FER: variants seen among roughly 807,000 people sequenced by gnomAD.
The protein encoded by FER is tyrosine-protein kinase Fer.
FER carries 63 observed loss-of-function variants against 111.0 expected under a neutral mutation model. The observed-to-expected ratio is 0.57, with a 90% CI of 0.46 to 0.70. The LOEUF (loss-of-function observed/expected upper bound fraction) is 0.70. FER is among the 30% of genes least tolerant of loss of function. The pLI, the probability that FER is intolerant of heterozygous loss-of-function variation, is 0.00. For missense variants in FER, 914 were observed against 954.0 expected, an observed-to-expected ratio of 0.96 and a Z score of 0.55; for synonymous variants, 327 against 313.9, an observed-to-expected ratio of 1.04 and a Z score of -0.44.
At chr5:108,864,564 C>T (rs1763844997) in intron 5 of FER, among the ~76,000 whole-genome samples, 1 of 152,146 alleles carries the variant, frequency 6.6e-6, no homozygotes, top group African/African-American at 2.4e-5. Flanking sequence ...TCTGTTTCAG[C>T]TTTCTACATA....
chr5:108,786,116 CT>C (rs1398903149), intron 2 of FER, among the ~76,000 whole-genome samples: 4 of 152,198 alleles, frequency 2.6e-5, no homozygotes, highest in Non-Finnish European at 5.9e-5. Context: ...GTTGGAGGCC[CT>C]GAGATTTACT....
At chr5:108,765,501 G>T (rs1752222391) in intron 1 of FER, among the ~76,000 whole-genome samples, 1 of 152,020 alleles carries the variant, frequency 6.6e-6, no homozygotes. Context: ...CTCATTGCAG[G>T]CTTGACCTCC....
At chr5:108,762,285 C>G (rs182828801) in intron 1 of FER, among the ~76,000 whole-genome samples, 6 of 152,282 alleles carry the variant, frequency 3.9e-5, no homozygotes, top group Non-Finnish European at 5.9e-5. Context: ...TTTGCCCTGA[C>G]CCCAGTGTGA....
intron 13 of FER, among the ~76,000 whole-genome samples, chr5:108,965,123 A>T (rs1402230417): frequency 6.6e-6 from 1 of 152,186 alleles, no homozygotes; most frequent in Non-Finnish European, 1.5e-5. Flanking sequence ...AAATCAATTA[A>T]TTAGGTCTAT....
At chr5:109,044,327 C>T (rs751822198) in intron 14 of FER, among the ~76,000 whole-genome samples, 11 of 151,800 alleles carry the variant, frequency 7.2e-5, no homozygotes, top group South Asian at 6.3e-4. Context: ...TACAGGCGCC[C>T]GCCACCATGC....
intron 16 of FER, among the ~76,000 whole-genome samples, chr5:109,099,048 T>G (rs1378552569): frequency 6.6e-6 from 1 of 151,540 alleles, no homozygotes; most frequent in Non-Finnish European, 1.5e-5. Context: ...AAGAAAAAAA[T>G]AGTCTAGAAA....
chr5:108,813,612 T>C (rs1262377924), intron 3 of FER, among the ~76,000 whole-genome samples: 1 of 152,200 alleles, frequency 6.6e-6, no homozygotes, highest in African/African-American at 2.4e-5. Context: ...TATTGTTGTC[T>C]TCTACTTCAC....
intron 10 of FER, among the ~76,000 whole-genome samples, chr5:108,904,265 T>G (rs560095075): frequency 6.6e-6 from 1 of 152,300 alleles, no homozygotes; most frequent in East Asian, 1.9e-4. Context: ...TGGTAAATTC[T>G]TTTGAAAAAA....
chr5:108,882,891 A>G (rs987903363), intron 8 of FER, among the ~76,000 whole-genome samples: 1 of 151,870 alleles, frequency 6.6e-6, no homozygotes, highest in Non-Finnish European at 1.5e-5. Context: ...AAATACTCCT[A>G]AAGTATTACT....
At chr5:108,980,923 A>G (rs1438780217) in intron 13 of FER, among the ~76,000 whole-genome samples, 1 of 152,128 alleles carries the variant, frequency 6.6e-6, no homozygotes, top group Admixed American at 6.6e-5. Context: ...ACTGAAAAAC[A>G]TGTTTTTGTT....
intron 9 of FER, among the ~76,000 whole-genome samples, chr5:108,892,129 T>A (rs530131274): frequency 6.6e-6 from 1 of 152,174 alleles, no homozygotes; most frequent in Non-Finnish European, 1.5e-5. Context: ...TAAACATACG[T>A]GTGCATGTGT....
chr5:108,913,294 G>T (rs1751812473), intron 10 of FER, among the ~76,000 whole-genome samples: 2 of 152,136 alleles, frequency 1.3e-5, no homozygotes, highest in African/African-American at 2.4e-5. Context: ...CATTTAGGTT[G>T]CAGTTTTTAG....
At chr5:108,772,088 G>A (rs978563188) in intron 2 of FER, among the ~76,000 whole-genome samples, 1 of 152,040 alleles carries the variant, frequency 6.6e-6, no homozygotes, top group African/African-American at 2.4e-5. Flanking sequence ...AGGAGGGATG[G>A]AACTGCGAAG....
intron 2 of FER, among the ~76,000 whole-genome samples, chr5:108,774,657 G>A (rs996657586): frequency 3.3e-5 from 5 of 151,698 alleles, no homozygotes; most frequent in African/African-American, 7.3e-5. Context: ...ACGATCAGTG[G>A]AGCTTTTTTT....
intron 13 of FER, among the ~76,000 whole-genome samples, chr5:109,021,375 A>T (rs1325241059): frequency 6.6e-6 from 1 of 152,050 alleles, no homozygotes; most frequent in Non-Finnish European, 1.5e-5. Flanking sequence ...ATTTTTAAAA[A>T]TGCATATGCA....
At chr5:109,175,543 G>A (rs373196255) in intron 17 of FER, among the ~76,000 whole-genome samples, 8 of 152,106 alleles carry the variant, frequency 5.3e-5, no homozygotes, top group Admixed American at 5.2e-4. Context: ...TCTAGGCAAA[G>A]GTTTTATGGC....
intron 3 of FER, among the ~76,000 whole-genome samples, chr5:108,828,354 C>T (rs2150122640): frequency 6.6e-6 from 1 of 152,308 alleles, no homozygotes; most frequent in East Asian, 1.9e-4. Flanking sequence ...ATTTATACTT[C>T]TTGATACACA....
At chr5:108,981,537 G>A (rs1334079602) in intron 13 of FER, among the ~76,000 whole-genome samples, 2 of 152,034 alleles carry the variant, frequency 1.3e-5, no homozygotes, top group Non-Finnish European at 2.9e-5. Flanking sequence ...AAAGGAAGGT[G>A]CTGAAGAGAA....
chr5:108,835,619 A>G (rs1240291748), intron 4 of FER, 89 bp from the exon 5 acceptor site: 2 of 749,016 alleles, frequency 2.7e-6, no homozygotes, highest in Admixed American at 3.0e-5. Context: ...GTAGTGAAAT[A>G]CACATCAGTT....
Sources: gnomAD v4.1 joint callset for allele counts (sites outside exome capture counted in the v4.1 genomes callset) on GRCh38, gnomAD v4.1.1 for gene constraint, MANE v1.5 for transcripts, NCBI Gene and HGNC (gene_info 2026-07-23, HGNC 2026-07-21) for gene names.